Variants in CPNE4 observed in about 807,000 individuals in gnomAD.
CPNE4 encodes the protein copine 4.
A neutral mutation model predicts 67.9 loss-of-function variants in CPNE4; 25 were observed. That is an observed-to-expected ratio of 0.37 (90% confidence interval 0.27 to 0.51). The LOEUF (loss-of-function observed/expected upper bound fraction) is 0.51. Among genes scored for constraint, CPNE4 ranks in the 20% least tolerant of loss-of-function variants. The pLI is 0.93. For synonymous variants in CPNE4, 242 were observed against 244.9 expected (o/e 0.99, Z 0.11); for missense variants, 464 against 690.8 (o/e 0.67, Z 3.68).
Position 131,533,603 on chromosome 3 carries a change from T to C in CPNE4, c.*1592A>G, listed in dbSNP as rs2107616626. ...TACCCAATTTATTAATAAAACAATA[T>C]AGCTTAAATATTTATGATTTTTTCA... On this transcript the variant is annotated 3_prime_UTR_variant, in exon 16 of 16. Transcript: ENST00000429747. 1 of 152,314 alleles carries C rather than the reference T, an allele frequency of 6.6e-6. No individual in the cohort carries two copies. Among genetic ancestry groups the C allele is most frequent in the East Asian group, 1.9e-4 (1 of 5,184 alleles). 9.4% of individuals were successfully genotyped at this position (152,314 alleles called of 1,614,324 possible).
chr3:131,965,398 C>A (rs2072314172), intron 1 of CPNE4, among the ~76,000 whole-genome samples: 1 of 152,136 alleles, frequency 6.6e-6, no homozygotes, highest in South Asian at 2.1e-4. Flanking sequence ...TGTAAATGGG[C>A]TAAATGCCCC....
At chr3:131,841,810 G>A (rs2085793587) in intron 2 of CPNE4, among the ~76,000 whole-genome samples, 1 of 152,168 alleles carries the variant, frequency 6.6e-6, no homozygotes, top group Admixed American at 6.6e-5. Context: ...AGCCTCTTTG[G>A]AGATCACCTC....
rs1238454739 is a variant in CPNE4 at position 131,673,579 on chromosome 3, T to C, written c.592-3815A>G. On this transcript the variant is annotated intron_variant, in intron 6 of 15. Coordinates refer to ENST00000429747, the MANE Select transcript of CPNE4 (RefSeq NM_130808.3). Reference sequence around the variant, plus strand: ...TTGGTAAGTGAATTCCTTTTATTTGTAGCTATTATAAATGGGATTATTTTC... The same window carrying C: ...TTGGTAAGTGAATTCCTTTTATTTGCAGCTATTATAAATGGGATTATTTTC... 2.0e-5 allele frequency among the ~76,000 whole-genome samples: 3 copies of C among 152,030 alleles called. No homozygotes were observed. The South Asian group carries it at 6.2e-4, about 31-fold the overall frequency.
chr3:131,831,993 T>C (rs2085389811), intron 2 of CPNE4, among the ~76,000 whole-genome samples: 1 of 152,144 alleles, frequency 6.6e-6, no homozygotes, highest in Admixed American at 6.5e-5. Flanking sequence ...CCCTTCTTGG[T>C]CAAAAAGATT....
chr3:131,563,449 C>T (rs967008896), intron 11 of CPNE4, among the ~76,000 whole-genome samples: 1 of 151,916 alleles, frequency 6.6e-6, no homozygotes, highest in Non-Finnish European at 1.5e-5. Flanking sequence ...TTCAGTTTAA[C>T]GTAATTTATG....
chr3:132,006,689 T>C (rs2073616402), intron 1 of CPNE4, among the ~76,000 whole-genome samples: 1 of 151,560 alleles, frequency 6.6e-6, no homozygotes, highest in Non-Finnish European at 1.5e-5. Flanking sequence ...GGCTGAGCTG[T>C]TGTGTTAAAA....
intron 2 of CPNE4, among the ~76,000 whole-genome samples, chr3:131,791,109 A>G (rs1215118035): frequency 6.6e-6 from 1 of 152,204 alleles, no homozygotes; most frequent in Non-Finnish European, 1.5e-5. Flanking sequence ...AATGAGATGA[A>G]TGGCTACTCC....
At chr3:131,807,623 G>A (rs1228643398) in intron 2 of CPNE4, among the ~76,000 whole-genome samples, 1 of 152,098 alleles carries the variant, frequency 6.6e-6, no homozygotes, top group Non-Finnish European at 1.5e-5. Flanking sequence ...CTGGGTCATA[G>A]GGGAATACAC....
intron 3 of CPNE4, among the ~76,000 whole-genome samples, chr3:131,709,835 CT>C (rs1392669870): frequency 6.6e-6 from 1 of 152,236 alleles, no homozygotes; most frequent in Non-Finnish European, 1.5e-5. Flanking sequence ...GCCTGGAACA[CT>C]TTTCTGGATG....
chr3:131,685,608 C>A (rs921710132), intron 6 of CPNE4, among the ~76,000 whole-genome samples: 1 of 152,008 alleles, frequency 6.6e-6, no homozygotes, highest in Non-Finnish European at 1.5e-5. Flanking sequence ...ATGGTGAAAC[C>A]CCATCTCTAC....
intron 1 of CPNE4, among the ~76,000 whole-genome samples, chr3:132,032,728 C>T (rs1208514359): frequency 1.6e-4 from 4 of 25,662 alleles, no homozygotes; most frequent in Admixed American, 6.4e-4. Context: ...TAAAAATGGG[C>T]AGGTGAATGA....
chr3:131,954,007 A>G (rs2071859927), intron 1 of CPNE4, among the ~76,000 whole-genome samples: 1 of 152,212 alleles, frequency 6.6e-6, no homozygotes, highest in Non-Finnish European at 1.5e-5. Flanking sequence ...CATACACCCC[A>G]TAAATATGTA....
At chr3:131,954,925 T>A (rs896940485) in intron 1 of CPNE4, among the ~76,000 whole-genome samples, 1 of 151,530 alleles carries the variant, frequency 6.6e-6, no homozygotes, top group Non-Finnish European at 1.5e-5. Context: ...TTCCAAGTCT[T>A]TGCTATTGTG....
At chr3:131,814,739 GGACT>G (rs1313520747) in intron 2 of CPNE4, among the ~76,000 whole-genome samples, 3 of 141,542 alleles carry the variant, frequency 2.1e-5, no homozygotes, top group Non-Finnish European at 4.5e-5. Context: ...CAAGTAGCTG[GGACT>G]ACAGGCGCCC....
chr3:131,955,420 T>TTTTTTTTTTG (rs2071927445), intron 1 of CPNE4, among the ~76,000 whole-genome samples: 1 of 131,576 alleles, frequency 7.6e-6, no homozygotes, highest in Admixed American at 7.6e-5. Flanking sequence ...GTTTTTTTTT[T>TTTTTTTTTTG]TTTTTTTTTT....
intron 2 of CPNE4, among the ~76,000 whole-genome samples, chr3:131,885,765 C>T (rs983850267): frequency 1.3e-5 from 2 of 151,964 alleles, no homozygotes; most frequent in Non-Finnish European, 2.9e-5. Flanking sequence ...TGTTCAATTC[C>T]TACCTATGAG....
chr3:131,736,197 G>A (rs900692546), intron 2 of CPNE4, among the ~76,000 whole-genome samples: 4 of 152,142 alleles, frequency 2.6e-5, no homozygotes, highest in East Asian at 1.9e-4. Flanking sequence ...TGTTTTCCAC[G>A]GTGGCCCAAT....
At chr3:131,708,815 T>C (rs545667413) in intron 3 of CPNE4, among the ~76,000 whole-genome samples, 1 of 151,828 alleles carries the variant, frequency 6.6e-6, no homozygotes, top group African/African-American at 2.4e-5. Flanking sequence ...GGCACCTTTG[T>C]GCACTGAAAG....
rs1480566850 is a variant in CPNE4 at position 131,989,663 on chromosome 3, T to C, written c.-2+44904A>G. 5.1e-5 allele frequency among the ~76,000 whole-genome samples: 7 copies of C among 136,086 alleles called. 3 individuals carry two copies. In the East Asian group the frequency reaches 1.6e-3, roughly 32 times the overall value. 89.3% of individuals were successfully genotyped at this position (136,086 alleles called of 152,430 possible). ...AAAAGAATGACATATTTTCTCTCAC[T>C]GGGAGACAAGAAAGCGCTTATTAAA... On this transcript the variant is annotated intron_variant, in intron 1 of 15. Coordinates refer to ENST00000429747, the MANE Select transcript of CPNE4 (RefSeq NM_130808.3).
Sources: allele counts gnomAD v4.1 joint callset (sites outside exome capture counted in the v4.1 genomes callset), GRCh38; gene constraint gnomAD v4.1.1; transcripts MANE v1.5; gene names NCBI Gene and HGNC (gene_info 2026-07-23, HGNC 2026-07-21).